Variants in NKAIN2 observed in about 807,000 individuals in gnomAD.
The protein encoded by NKAIN2 is sodium/potassium-transporting ATPase subunit beta-1-interacting protein 2.
In NKAIN2, 14 loss-of-function variants were observed where a neutral mutation model predicts 32.6. The ratio of observed to expected loss-of-function variants is 0.43; its 90% CI spans 0.28 to 0.67. NKAIN2 has a LOEUF of 0.67. Among genes scored for constraint, NKAIN2 ranks in the 30% least tolerant of loss-of-function variants. The pLI is 0.17. For missense variants in NKAIN2, 198 were observed against 258.3 expected (o/e 0.77, Z 1.60); for synonymous variants, 80 against 87.2 (o/e 0.92, Z 0.46).
chr6:123,811,768 C>G (rs771068987), intron 1 of NKAIN2, among the ~76,000 whole-genome samples: 11 of 151,924 alleles, frequency 7.2e-5, no homozygotes, highest in African/African-American at 2.2e-4. Flanking sequence ...GCCAATGGCC[C>G]TAGTTAGAAC....
At chr6:124,542,699 C>T (rs946660307) in intron 3 of NKAIN2, among the ~76,000 whole-genome samples, 2 of 152,170 alleles carry the variant, frequency 1.3e-5, no homozygotes, top group African/African-American at 4.8e-5. Flanking sequence ...ATTGGATGAT[C>T]TTTAAAGGCT....
chr6:124,802,264 G>A (rs1316292959), intron 5 of NKAIN2, among the ~76,000 whole-genome samples: 1 of 152,076 alleles, frequency 6.6e-6, no homozygotes, highest in Non-Finnish European at 1.5e-5. Context: ...CATTTAAATG[G>A]GCTGTTGATT....
At chr6:124,170,942 C>A (rs1326401344) in intron 1 of NKAIN2, among the ~76,000 whole-genome samples, 1 of 152,078 alleles carries the variant, frequency 6.6e-6, no homozygotes, top group Non-Finnish European at 1.5e-5. Flanking sequence ...TACCTTTTCA[C>A]TCTGGTAAAA....
chr6:124,252,751 TC>T (rs1793744892), intron 1 of NKAIN2, among the ~76,000 whole-genome samples: 1 of 152,186 alleles, frequency 6.6e-6, no homozygotes, highest in African/African-American at 2.4e-5. Context: ...AATTACAGTT[TC>T]GGGGTTCAGT....
chr6:124,635,430 C>G (rs974491801), intron 3 of NKAIN2, among the ~76,000 whole-genome samples: 1 of 151,680 alleles, frequency 6.6e-6, no homozygotes, highest in Admixed American at 6.6e-5. Context: ...ACAAAACTAC[C>G]AGAAAACAAT....
At chr6:124,370,391 G>A (rs1799704600) in intron 3 of NKAIN2, among the ~76,000 whole-genome samples, 1 of 151,990 alleles carries the variant, frequency 6.6e-6, no homozygotes, top group Admixed American at 6.6e-5. Context: ...AGGCATCTTA[G>A]AAGGGTAAAA....
At chr6:124,711,184 T>G (rs1775432227) in intron 4 of NKAIN2, among the ~76,000 whole-genome samples, 1 of 137,330 alleles carries the variant, frequency 7.3e-6, no homozygotes, top group Non-Finnish European at 1.5e-5. Flanking sequence ...CTTGTAGCGT[T>G]TCTGCTGAGA....
chr6:124,123,837 C>T (rs554708579), intron 1 of NKAIN2, among the ~76,000 whole-genome samples: 1 of 152,162 alleles, frequency 6.6e-6, no homozygotes, highest in Admixed American at 6.5e-5. Flanking sequence ...CAAGGAGATA[C>T]CACTGCATTT....
chr6:124,250,177 G>C (rs1270103663), intron 1 of NKAIN2, among the ~76,000 whole-genome samples: 1 of 152,052 alleles, frequency 6.6e-6, no homozygotes, highest in African/African-American at 2.4e-5. Flanking sequence ...ATCAGAACAT[G>C]GGTACTCACC....
intron 1 of NKAIN2, among the ~76,000 whole-genome samples, chr6:124,119,886 A>G (rs1047077864): frequency 6.6e-6 from 1 of 151,980 alleles, no homozygotes; most frequent in Non-Finnish European, 1.5e-5. Flanking sequence ...TAAGAAACAA[A>G]TCCTTCTTGG....
Position 124,243,542 on chromosome 6 carries a change from G to A in NKAIN2, c.55-39463G>A, listed in dbSNP as rs548821220. Among the ~76,000 whole-genome samples, 24 of 152,010 alleles carry A rather than the reference G, an allele frequency of 1.6e-4. No individual in the cohort carries two copies. The South Asian group carries it at 4.6e-3, about 29-fold the overall frequency. ...AAAAGAAGGAAGATGCTGGAACTGG[G>A]AAGTTTGAGGAATTTGGCAGCCAAT... On this transcript the variant is annotated intron_variant, in intron 1 of 6. Coordinates refer to ENST00000368417, the MANE Select transcript of NKAIN2 (RefSeq NM_001040214.3).
chr6:124,620,318 C>T (rs1783059675), intron 3 of NKAIN2, among the ~76,000 whole-genome samples: 2 of 152,138 alleles, frequency 1.3e-5, no homozygotes, highest in African/African-American at 4.8e-5. Context: ...TTTTGGTTTA[C>T]AAACCTCATC....
At chr6:124,268,112 A>G (rs1254844438) in intron 1 of NKAIN2, among the ~76,000 whole-genome samples, 2 of 152,196 alleles carry the variant, frequency 1.3e-5, no homozygotes, top group Non-Finnish European at 2.9e-5. Flanking sequence ...AAATTGATAT[A>G]CTTGCATTTG....
At chr6:124,246,291 C>A (rs944047203) in intron 1 of NKAIN2, among the ~76,000 whole-genome samples, 2 of 152,062 alleles carry the variant, frequency 1.3e-5, no homozygotes, top group Non-Finnish European at 2.9e-5. Context: ...GTTCAAAAGA[C>A]ATTGATGTCT....
chr6:124,495,122 C>T (rs1008549727), intron 3 of NKAIN2, among the ~76,000 whole-genome samples: 3 of 152,066 alleles, frequency 2.0e-5, no homozygotes, highest in African/African-American at 2.4e-5. Context: ...TGAGCAAGTA[C>T]TTATGCACTT....
chr6:123,828,623 T>G (rs1032500557), intron 1 of NKAIN2, among the ~76,000 whole-genome samples: 4 of 152,190 alleles, frequency 2.6e-5, no homozygotes, highest in African/African-American at 7.2e-5. Context: ...ATCCTTCATA[T>G]ACAGCCTATA....
intron 3 of NKAIN2, among the ~76,000 whole-genome samples, chr6:124,465,784 T>G (rs1776730281): frequency 6.6e-6 from 1 of 152,128 alleles, no homozygotes; most frequent in Non-Finnish European, 1.5e-5. Flanking sequence ...AGCATTTGCC[T>G]AACTGTGAAA....
chr6:124,121,473 A>G (rs1785877288), intron 1 of NKAIN2, among the ~76,000 whole-genome samples: 2 of 152,070 alleles, frequency 1.3e-5, no homozygotes, highest in Non-Finnish European at 2.9e-5. Flanking sequence ...TTTCACTGAT[A>G]CCAAGATACT....
In NKAIN2 at chr6:124,514,553, A is replaced by C. The variant is rs192677992; in HGVS notation, c.274-143633A>C. Among the ~76,000 whole-genome samples the C allele has an allele frequency of 3.0e-4, 45 of 152,176 alleles. 1 individual carries two copies. The highest frequency in any genetic ancestry group is 2.9e-3 in the Admixed American group (45 of 15,284). ...TCTTCATGTGATTCAAGGTGTGCTAAAGTTAGAGACATACTGCTAGTATTT... is the reference window on the plus strand; with the variant it reads ...TCTTCATGTGATTCAAGGTGTGCTACAGTTAGAGACATACTGCTAGTATTT... On this transcript the variant is annotated intron_variant, in intron 3 of 6. Transcript: ENST00000368417.
Sources: allele counts gnomAD v4.1 joint callset (sites outside exome capture counted in the v4.1 genomes callset), GRCh38; gene constraint gnomAD v4.1.1; transcripts MANE v1.5; gene names NCBI Gene and HGNC (gene_info 2026-07-23, HGNC 2026-07-21).